Variants in UNC5D observed in about 807,000 individuals in gnomAD.
UNC5D encodes the protein unc-5 netrin receptor D.
UNC5D carries 39 observed loss-of-function variants against 105.4 expected under a neutral mutation model. The ratio of observed to expected loss-of-function variants is 0.37; its 90% confidence interval spans 0.29 to 0.48. UNC5D has a LOEUF of 0.48. Among genes scored for constraint, UNC5D ranks in the 20% least tolerant of loss-of-function variants. The pLI, the probability that UNC5D is intolerant of heterozygous loss-of-function variation, is 0.98. For missense variants in UNC5D, 991 were observed against 1,202.4 expected (o/e 0.82, Z 2.60); for synonymous variants, 452 against 450.4 (o/e 1.00, Z -0.04).
At position 35,379,728 on chromosome 8, in the gene UNC5D, C is replaced by G. The variant is rs1178798703; in HGVS notation, c.103+143841C>G. ...AACCTGTGACTTAATGAGGGGAAAGCCAAAATTAAGGTTCATAGTTACACA... is the reference window on the plus strand; with the variant it reads ...AACCTGTGACTTAATGAGGGGAAAGGCAAAATTAAGGTTCATAGTTACACA... On this transcript the variant is annotated intron_variant, in intron 1 of 16. Coordinates refer to ENST00000404895, the MANE Select transcript of UNC5D (RefSeq NM_080872.4). Among the ~76,000 whole-genome samples, 8 of 151,790 alleles carry G rather than the reference C, an allele frequency of 5.3e-5. No homozygotes were observed. In the East Asian group the frequency reaches 5.8e-4, roughly 11 times the overall value.
At chr8:35,605,995 A>T (rs974773476) in intron 4 of UNC5D, among the ~76,000 whole-genome samples, 26 of 146,640 alleles carry the variant, frequency 1.8e-4, no homozygotes, top group Non-Finnish European at 3.0e-4. Context: ...TTTATTTTTT[A>T]TTTTTTTTTT....
chr8:35,533,652 G>T (rs1814588836), intron 1 of UNC5D, among the ~76,000 whole-genome samples: 1 of 152,196 alleles, frequency 6.6e-6, no homozygotes, highest in African/African-American at 2.4e-5. Context: ...CAGCCTCGCT[G>T]CCACCTTGCA....
At chr8:35,556,384 T>C (rs2130728333) in intron 2 of UNC5D, among the ~76,000 whole-genome samples, 1 of 152,272 alleles carries the variant, frequency 6.6e-6, no homozygotes, top group Admixed American at 6.5e-5. Context: ...TCGCATTGTG[T>C]GTCTATGTTA....
At chr8:35,260,973 C>T (rs960464249) in intron 1 of UNC5D, among the ~76,000 whole-genome samples, 1 of 152,164 alleles carries the variant, frequency 6.6e-6, no homozygotes, top group Non-Finnish European at 1.5e-5. Context: ...AAAGAACACA[C>T]TTTGCCATTT....
At chr8:35,608,427 C>T (rs1029846996) in intron 4 of UNC5D, among the ~76,000 whole-genome samples, 1 of 152,150 alleles carries the variant, frequency 6.6e-6, no homozygotes, top group Non-Finnish European at 1.5e-5. Context: ...TTTTAAAAAT[C>T]TGATCTGTAT....
chr8:35,722,937 C>T (rs1324625257), intron 9 of UNC5D, among the ~76,000 whole-genome samples: 1 of 152,056 alleles, frequency 6.6e-6, no homozygotes, highest in African/African-American at 2.4e-5. Flanking sequence ...TTGCCAAGTC[C>T]AAGCAATCTT....
chr8:35,526,185 TTCTC>T (rs1402995002), intron 1 of UNC5D, among the ~76,000 whole-genome samples: 1 of 152,214 alleles, frequency 6.6e-6, no homozygotes, highest in African/African-American at 2.4e-5. Context: ...GTTTTCTACT[TTCTC>T]ATAGAAAACT....
At chr8:35,303,959 T>G (rs1286914470) in intron 1 of UNC5D, among the ~76,000 whole-genome samples, 2 of 152,136 alleles carry the variant, frequency 1.3e-5, no homozygotes, top group Non-Finnish European at 2.9e-5. Context: ...AATTTTGTTT[T>G]GTATGTTTTG....
chr8:35,441,143 T>C (rs905149163), intron 1 of UNC5D, among the ~76,000 whole-genome samples: 6 of 151,876 alleles, frequency 4.0e-5, no homozygotes, highest in African/African-American at 1.4e-4. Context: ...CCAGAGATTA[T>C]AGTTGCTCTT....
chr8:35,520,712 G>A (rs117670596), intron 1 of UNC5D, among the ~76,000 whole-genome samples: 16 of 152,146 alleles, frequency 1.1e-4, no homozygotes, highest in Non-Finnish European at 2.1e-4. Context: ...ACATATAAAG[G>A]AGGGAGAGAT....
At chr8:35,288,117 A>T (rs1227879082) in intron 1 of UNC5D, among the ~76,000 whole-genome samples, 1 of 152,128 alleles carries the variant, frequency 6.6e-6, no homozygotes, top group East Asian at 1.9e-4. Flanking sequence ...AGAGGTTGCC[A>T]ATCAAATTGA....
chr8:35,266,251 T>C (rs567021120), intron 1 of UNC5D, among the ~76,000 whole-genome samples: 2 of 152,308 alleles, frequency 1.3e-5, no homozygotes, highest in South Asian at 4.1e-4. Context: ...GGAAGAAAAG[T>C]GTGTTTCTCT....
Position 35,748,630 on chromosome 8 carries a change from G to T in UNC5D, c.1870G>T (p.Ala624Ser), listed in dbSNP as rs763414744. ...TPFALTIPHC[A>S]DVSSEHWNIH... ...CTTTGCATTGACCATCCCGCACTGT[G>T]CAGATGTCAGTTCTGAGCATTGGAA... Residue 624 changes from alanine to serine, a missense_variant, in exon 12 of 17, where the codon GCA becomes TCA. Ala to Ser is a moderately conservative substitution (Grantham distance 99). Transcript: ENST00000404895. The T allele has an allele frequency of 6.2e-7, 1 of 1,614,100 alleles. No homozygotes were observed. Among genetic ancestry groups the T allele is most frequent in the Non-Finnish European group, 8.5e-7 (1 of 1,179,944 alleles).
chr8:35,342,507 C>A, intron 1 of UNC5D, among the ~76,000 whole-genome samples: 1 of 152,092 alleles, frequency 6.6e-6, no homozygotes, highest in Non-Finnish European at 1.5e-5. Flanking sequence ...CAGATTTGGT[C>A]TGTCAGATCT....
chr8:35,325,330 G>A (rs1215833568), intron 1 of UNC5D, among the ~76,000 whole-genome samples: 2 of 152,168 alleles, frequency 1.3e-5, no homozygotes, highest in East Asian at 1.9e-4. Flanking sequence ...GTGCTTCTAG[G>A]TTGACAATCT....
At chr8:35,263,804 A>G (rs1053649797) in intron 1 of UNC5D, among the ~76,000 whole-genome samples, 5 of 152,272 alleles carry the variant, frequency 3.3e-5, no homozygotes, top group Admixed American at 6.5e-5. Flanking sequence ...TCATCAAGTG[A>G]CAACTGACTT....
intron 3 of UNC5D, among the ~76,000 whole-genome samples, chr8:35,583,076 G>A (rs1818557348): frequency 6.6e-6 from 1 of 152,324 alleles, no homozygotes; most frequent in African/African-American, 2.4e-5. Flanking sequence ...CACAGGCTGG[G>A]TGCAGTGGCT....
intron 3 of UNC5D, among the ~76,000 whole-genome samples, chr8:35,578,955 A>G (rs925189333): frequency 6.6e-6 from 1 of 152,160 alleles, no homozygotes; most frequent in African/African-American, 2.4e-5. Context: ...TATAGCTACC[A>G]CCTTTGAAGG....
chr8:35,635,240 T>C (rs1822291089), intron 4 of UNC5D, among the ~76,000 whole-genome samples: 1 of 152,180 alleles, frequency 6.6e-6, no homozygotes, highest in Admixed American at 6.5e-5. Context: ...AGGTATCTCA[T>C]TTTGAGTATT....
Sources: allele counts gnomAD v4.1 joint callset (sites outside exome capture counted in the v4.1 genomes callset), GRCh38; gene constraint gnomAD v4.1.1; transcripts MANE v1.5; gene names NCBI Gene and HGNC (gene_info 2026-07-23, HGNC 2026-07-21).